UNC13C: variants seen among roughly 807,000 people sequenced by gnomAD.
UNC13C encodes protein unc-13 homolog C.
In UNC13C, 174 loss-of-function variants were observed where a neutral mutation model predicts 245.4. That is an observed-to-expected ratio of 0.71 (90% CI 0.63 to 0.80). The LOEUF (loss-of-function observed/expected upper bound fraction) is 0.80. Among genes scored for constraint, UNC13C ranks in the 30% least tolerant of loss-of-function variants. UNC13C has a pLI of 0.00. For missense variants in UNC13C, 2,829 were observed against 2,602.9 expected, an observed-to-expected ratio of 1.09 and a Z score of -1.89; for synonymous variants, 992 against 895.1, an observed-to-expected ratio of 1.11 and a Z score of -1.93.
chr15:54,555,412 A>T lies in UNC13C; in HGVS notation c.5878-20A>T, dbSNP rs761068844. On this transcript the variant is annotated intron_variant, in intron 28 of 32. Transcript: ENST00000260323. ...ACATGAACTGGTTGTTTTATAAGCA[A>T]TTCTTCACCTGTTTTCCAGGAGCAC... 4 of 1,609,658 alleles carry T rather than the reference A, an allele frequency of 2.5e-6. No homozygotes were observed. Among genetic ancestry groups the T allele is most frequent in the Non-Finnish European group, 3.4e-6 (4 of 1,176,862 alleles).
intron 4 of UNC13C, among the ~76,000 whole-genome samples, chr15:54,152,593 C>A (rs2032569013): frequency 6.6e-6 from 1 of 152,248 alleles, no homozygotes. Context: ...ACCACTGATA[C>A]ATCCTTTATG....
chr15:54,179,106 C>A (rs1250848608), intron 4 of UNC13C, among the ~76,000 whole-genome samples: 1 of 152,086 alleles, frequency 6.6e-6, no homozygotes, highest in South Asian at 2.1e-4. Context: ...TCACTATAAT[C>A]CATGATTGAG....
At chr15:54,114,630 T>C (rs528605886) in intron 2 of UNC13C, among the ~76,000 whole-genome samples, 2 of 152,170 alleles carry the variant, frequency 1.3e-5, no homozygotes, top group Non-Finnish European at 2.9e-5. Context: ...TTTTTTTTGC[T>C]ACTGCAAATA....
At chr15:54,099,928 C>G (rs1223378774) in intron 2 of UNC13C, among the ~76,000 whole-genome samples, 1 of 151,838 alleles carries the variant, frequency 6.6e-6, no homozygotes, top group Non-Finnish European at 1.5e-5. Flanking sequence ...AACCCTGTCT[C>G]CACTAAATAT....
At chr15:54,105,508 G>A (rs1364786353) in intron 2 of UNC13C, among the ~76,000 whole-genome samples, 1 of 152,142 alleles carries the variant, frequency 6.6e-6, no homozygotes, top group African/African-American at 2.4e-5. Context: ...TTTGTGTAAA[G>A]TCACAACAGG....
chr15:54,303,734 C>A (rs1272230197), intron 13 of UNC13C, among the ~76,000 whole-genome samples: 1 of 150,610 alleles, frequency 6.6e-6, no homozygotes, highest in African/African-American at 2.4e-5. Context: ...CCAAGGTGGT[C>A]GGGGCACAGC....
At chr15:54,452,542 C>A (rs913721491) in intron 19 of UNC13C, among the ~76,000 whole-genome samples, 2 of 152,170 alleles carry the variant, frequency 1.3e-5, no homozygotes, top group African/African-American at 4.8e-5. Flanking sequence ...GTGGATAGGG[C>A]AGGACAATCC....
intron 2 of UNC13C, chr15:54,044,525 C>T (rs896360011): frequency 2.2e-5 from 5 of 224,856 alleles, no homozygotes; most frequent in African/African-American, 1.2e-4. Context: ...AGTGGCTGCA[C>T]AACCTGACAA....
the UNC13C span, among the ~76,000 whole-genome samples, chr15:53,926,282 G>A: frequency 3.3e-5 from 5 of 152,074 alleles, no homozygotes; most frequent in Non-Finnish European, 7.4e-5. Context: ...TAATTTGTAG[G>A]ATTTGGAATT....
chr15:54,175,173 C>T (rs184607748), intron 4 of UNC13C, among the ~76,000 whole-genome samples: 23 of 152,206 alleles, frequency 1.5e-4, no homozygotes, highest in Non-Finnish European at 2.2e-4. Flanking sequence ...ACTAACTTAC[C>T]ATGGAAAAGA....
the UNC13C span, among the ~76,000 whole-genome samples, chr15:53,881,390 T>C: frequency 6.6e-6 from 1 of 152,224 alleles, no homozygotes; most frequent in East Asian, 1.9e-4. Context: ...TGCTTTGTCT[T>C]GCACTGGGAT....
Position 54,297,842 on chromosome 15 carries a change from G to A in UNC13C, c.4020G>A (p.Gly1340=). ...GGACAGATAAGTCAGCTGTATCTGG[G>A]GCCATACGATTGAAAATCAATGTGG... ...EKRTDKSAVS[G]AIRLKINVEI... is the part of the protein sequence containing the mutation. The change falls in exon 12 of 33, where the codon GGG becomes GGA. Residue 1340 remains glycine, a synonymous_variant. Coordinates refer to ENST00000260323, the MANE Select transcript of UNC13C (RefSeq NM_001080534.3). 1.2e-6 allele frequency: 2 copies of A among 1,610,348 alleles called. No homozygotes were observed. Among genetic ancestry groups the A allele is most frequent in the Non-Finnish European group, 1.7e-6 (2 of 1,178,292 alleles).
At chr15:54,273,310 T>C (rs955355245) in intron 10 of UNC13C, among the ~76,000 whole-genome samples, 2 of 152,162 alleles carry the variant, frequency 1.3e-5, no homozygotes, top group African/African-American at 4.8e-5. Context: ...TGTTTTTCCA[T>C]CTTTCCATTT....
the UNC13C span, among the ~76,000 whole-genome samples, chr15:53,934,373 G>A: frequency 4.6e-5 from 7 of 152,168 alleles, no homozygotes; most frequent in Non-Finnish European, 1.0e-4. Context: ...CTGTAATCTG[G>A]TGTAGTAGAG....
At chr15:54,319,318 A>C (rs1280789751) in intron 13 of UNC13C, among the ~76,000 whole-genome samples, 1 of 151,416 alleles carries the variant, frequency 6.6e-6, no homozygotes, top group Non-Finnish European at 1.5e-5. Context: ...GAAATGTGAT[A>C]GCATAGCTCT....
intron 30 of UNC13C, among the ~76,000 whole-genome samples, chr15:54,579,995 G>C (rs759967219): frequency 6.6e-6 from 1 of 152,134 alleles, no homozygotes; most frequent in Non-Finnish European, 1.5e-5. Context: ...TTTAGGTCTG[G>C]TTAGAAAGTA....
the UNC13C span, among the ~76,000 whole-genome samples, chr15:53,876,128 G>T: frequency 1.3e-5 from 2 of 152,146 alleles, no homozygotes; most frequent in Non-Finnish European, 2.9e-5. Flanking sequence ...ATTCAGATGT[G>T]ATCTGAATTA....
downstream of UNC13C, chr15:54,631,878 G>A (rs1480936358): frequency 6.6e-6 from 1 of 152,090 alleles, no homozygotes; most frequent in African/African-American, 2.4e-5. Context: ...TAGGTCTTAT[G>A]ATAAGTATAT....
chr15:53,906,916 C>G, the UNC13C span, among the ~76,000 whole-genome samples: 1 of 152,116 alleles, frequency 6.6e-6, no homozygotes, highest in Non-Finnish European at 1.5e-5. Flanking sequence ...ATTAAAACAT[C>G]ATGTCTCGTG....
Sources: allele counts gnomAD v4.1 joint callset (sites outside exome capture counted in the v4.1 genomes callset), GRCh38; gene constraint gnomAD v4.1.1; transcripts MANE v1.5; gene names NCBI Gene and HGNC (gene_info 2026-07-23, HGNC 2026-07-21).